Variants in TBC1D14 observed in about 807,000 individuals in gnomAD.
TBC1D14 encodes TBC1 domain family member 14, also known as TBC1 domain family, member 14.
Under a neutral mutation model 79.0 loss-of-function variants are expected in TBC1D14, and 26 were observed. The ratio of observed to expected loss-of-function variants is 0.33; its 90% confidence interval spans 0.24 to 0.46. The LOEUF is 0.46. Ranked by LOEUF, TBC1D14 falls within the 20% of genes least tolerant of loss-of-function variation. The pLI, the probability that TBC1D14 is intolerant of heterozygous loss-of-function variation, is 1.00. For synonymous variants in TBC1D14, 394 were observed against 349.9 expected (o/e 1.13, Z -1.40); for missense variants, 769 against 887.6 (o/e 0.87, Z 1.70).
chr4:7,029,094 C>T (rs1421592923), intron 13 of TBC1D14, among the ~76,000 whole-genome samples: 1 of 152,144 alleles, frequency 6.6e-6, no homozygotes, highest in African/African-American at 2.4e-5. Context: ...CCTCCCTTGG[C>T]CTCCCAAAGT....
intron 3 of TBC1D14, chr4:6,987,680 C>T (rs1718008405): frequency 6.4e-6 from 2 of 311,138 alleles, no homozygotes; most frequent in Non-Finnish European, 1.2e-5. Context: ...TTTTCAGAGC[C>T]GGGCCAGGCC....
At chr4:6,954,243 A>T (rs1714401748) in intron 2 of TBC1D14, 1 of 716,642 alleles carries the variant, frequency 1.4e-6, no homozygotes, top group Admixed American at 2.0e-5. Context: ...GGAATGCGGC[A>T]CGGGGAGAGT....
At chr4:7,013,628 C>G (rs1362965405) in intron 11 of TBC1D14, among the ~76,000 whole-genome samples, 1 of 152,208 alleles carries the variant, frequency 6.6e-6, no homozygotes, top group African/African-American at 2.4e-5. Flanking sequence ...CCCCTCGTTG[C>G]ATTCAAAGGT....
chr4:6,939,998 CT>C, intron 2 of TBC1D14, among the ~76,000 whole-genome samples: 1 of 152,254 alleles, frequency 6.6e-6, no homozygotes, highest in East Asian at 1.9e-4. Context: ...GCCTGTGCCC[CT>C]GGCTCCCGCG....
At chr4:6,973,471 G>A (rs1269407370) in intron 3 of TBC1D14, among the ~76,000 whole-genome samples, 3 of 152,090 alleles carry the variant, frequency 2.0e-5, no homozygotes, top group East Asian at 1.9e-4. Flanking sequence ...AACAGGTCCC[G>A]GTCCCAGGTT....
rs148122203 is a variant in TBC1D14, at chr4:7,026,550, C to T, written c.2016+1288C>T. On this transcript the variant is annotated intron_variant, in intron 13 of 13. Coordinates refer to ENST00000409757, the MANE Select transcript of TBC1D14 (RefSeq NM_020773.3). Reference sequence around the variant, plus strand: ...TTAAGCCTCTGTAATATCTATGCCACGCCACTTCTCACTTTTTAGCCCTCT... The same window carrying T: ...TTAAGCCTCTGTAATATCTATGCCATGCCACTTCTCACTTTTTAGCCCTCT... Among the ~76,000 whole-genome samples the T allele has an allele frequency of 2.8e-4, 42 of 152,294 alleles. No individual in the cohort carries two copies. In the East Asian group the frequency reaches 7.1e-3, roughly 26 times the overall value.
At chr4:6,934,878 G>A (rs1455983690) in intron 2 of TBC1D14, among the ~76,000 whole-genome samples, 1 of 152,098 alleles carries the variant, frequency 6.6e-6, no homozygotes, top group African/African-American at 2.4e-5. Context: ...GGGAGCTTGA[G>A]ATTGGCCTGG....
intron 3 of TBC1D14, among the ~76,000 whole-genome samples, chr4:6,974,572 T>C (rs1189931547): frequency 6.6e-6 from 1 of 152,182 alleles, no homozygotes; most frequent in Non-Finnish European, 1.5e-5. Flanking sequence ...AACTGGCCAC[T>C]GGATGGTGCA....
At chr4:6,928,474 C>T (rs1724459752) in intron 2 of TBC1D14, among the ~76,000 whole-genome samples, 1 of 152,160 alleles carries the variant, frequency 6.6e-6, no homozygotes, top group South Asian at 2.1e-4. Flanking sequence ...GAGGAGGTCA[C>T]TTAGCCCCTG....
intron 2 of TBC1D14, among the ~76,000 whole-genome samples, chr4:6,941,393 C>T (rs551973624): frequency 1.4e-4 from 22 of 152,210 alleles, no homozygotes; most frequent in African/African-American, 5.3e-4. Context: ...ACCATGTTAG[C>T]CAGGCTGGTC....
intron 12 of TBC1D14, among the ~76,000 whole-genome samples, chr4:7,024,328 G>A (rs946967049): frequency 2.6e-5 from 4 of 152,224 alleles, no homozygotes; most frequent in African/African-American, 4.8e-5. Flanking sequence ...ACTGAACTCC[G>A]TAAGAGAGGT....
chr4:6,994,056 A>G (rs1180914926), intron 3 of TBC1D14, 128 bp from the exon 4 acceptor site: 6 of 757,144 alleles, frequency 7.9e-6, no homozygotes, highest in African/African-American at 1.7e-5. Context: ...AATAGCAGGA[A>G]AGGTTTTTGG....
chr4:6,937,635 G>A (rs556468174), intron 2 of TBC1D14, among the ~76,000 whole-genome samples: 5 of 152,326 alleles, frequency 3.3e-5, no homozygotes, highest in African/African-American at 7.2e-5. Flanking sequence ...ACCAGTCAGC[G>A]TGCTGCGCGT....
chr4:6,917,473 C>A (rs1025195874), intron 1 of TBC1D14, among the ~76,000 whole-genome samples: 3 of 152,036 alleles, frequency 2.0e-5, no homozygotes, highest in African/African-American at 7.2e-5. Flanking sequence ...GAGGAGGTGG[C>A]CTTTGAAAGC....
intron 5 of TBC1D14, among the ~76,000 whole-genome samples, chr4:6,998,291 C>T (rs1364495791): frequency 2.7e-5 from 4 of 149,800 alleles, no homozygotes; most frequent in African/African-American, 9.9e-5. Flanking sequence ...ACCCGGGAGG[C>T]GGAGGTTTCA....
intron 1 of TBC1D14, among the ~76,000 whole-genome samples, chr4:6,922,165 C>T (rs1723921022): frequency 6.6e-6 from 1 of 152,140 alleles, no homozygotes; most frequent in African/African-American, 2.4e-5. Flanking sequence ...GTGATCCTCC[C>T]ACCTCAGTCT....
chr4:7,014,289 T>C (rs1412822024), intron 11 of TBC1D14, among the ~76,000 whole-genome samples, 159 bp from the exon 12 acceptor site: 1 of 152,250 alleles, frequency 6.6e-6, no homozygotes, highest in Admixed American at 6.5e-5. Flanking sequence ...TGCTTGTTTA[T>C]AATTTGAATA....
At chr4:6,978,144 C>T (rs1716980379) in intron 3 of TBC1D14, among the ~76,000 whole-genome samples, 1 of 150,088 alleles carries the variant, frequency 6.7e-6, no homozygotes, top group South Asian at 2.1e-4. Context: ...GCCCGGCTAG[C>T]CGCCCCGTCC....
intron 1 of TBC1D14, among the ~76,000 whole-genome samples, chr4:6,922,171 A>G (rs1723921744): frequency 1.3e-5 from 2 of 152,162 alleles, no homozygotes; most frequent in South Asian, 2.1e-4. Flanking sequence ...CTCCCACCTC[A>G]GTCTTCAGAG....
Sources: allele counts gnomAD v4.1 joint callset (sites outside exome capture counted in the v4.1 genomes callset), GRCh38; gene constraint gnomAD v4.1.1; transcripts MANE v1.5; gene names NCBI Gene and HGNC (gene_info 2026-07-23, HGNC 2026-07-21).